The following LEF1 variants were observed in gnomAD, a reference collection of about 807,000 sequenced individuals.
LEF1 encodes lymphoid enhancer binding factor 1.
In LEF1, 14 loss-of-function variants were observed where a neutral mutation model predicts 51.2. The observed-to-expected ratio is 0.27, with a 90% CI of 0.18 to 0.43. The LOEUF is 0.43. Among genes scored for constraint, LEF1 ranks in the 20% least tolerant of loss-of-function variants. The pLI is 1.00. For synonymous variants in LEF1, 185 were observed against 183.2 expected (o/e 1.01, Z -0.08); for missense variants, 386 against 512.0 (o/e 0.75, Z 2.37).
intron 4 of LEF1, among the ~76,000 whole-genome samples, chr4:108,085,995 A>C (rs1739622098): frequency 6.6e-6 from 1 of 152,244 alleles, no homozygotes; most frequent in African/African-American, 2.4e-5. Flanking sequence ...TTGAACAAAC[A>C]AACAAGTGAA....
intron 3 of LEF1, among the ~76,000 whole-genome samples, chr4:108,129,056 T>A (rs919609358): frequency 2.6e-5 from 4 of 152,212 alleles, no homozygotes; most frequent in African/African-American, 7.2e-5. Flanking sequence ...CAGTTCCTCC[T>A]TTCCAACCAC....
chr4:108,135,719 C>A (rs940967838), intron 3 of LEF1, among the ~76,000 whole-genome samples: 3 of 152,096 alleles, frequency 2.0e-5, no homozygotes, highest in African/African-American at 7.2e-5. Flanking sequence ...GGCCTGCCAG[C>A]GGGGGAGTTG....
intron 4 of LEF1, 127 bp from the exon 5 acceptor site, chr4:108,083,573 AG>A: frequency 1.8e-6 from 1 of 570,476 alleles, no homozygotes; most frequent in Non-Finnish European, 3.0e-6. Context: ...ACCAGATCCA[AG>A]GAACAGGAGT....
intron 11 of LEF1, among the ~76,000 whole-genome samples, chr4:108,058,096 G>A (rs1015028172): frequency 2.0e-5 from 3 of 151,790 alleles, no homozygotes; most frequent in South Asian, 2.1e-4. Flanking sequence ...GGCTGGTCTC[G>A]AACTCCTGAC....
At chr4:108,079,410 G>A in intron 7 of LEF1, 82 bp downstream of exon 7, 1 of 1,475,880 alleles carries the variant, frequency 6.8e-7, no homozygotes, top group Non-Finnish European at 9.4e-7. Flanking sequence ...AAGGGGTGAA[G>A]GATCACTGTT....
At chr4:108,098,887 A>G (rs1197807651) in intron 3 of LEF1, among the ~76,000 whole-genome samples, 1 of 152,208 alleles carries the variant, frequency 6.6e-6, no homozygotes, top group Non-Finnish European at 1.5e-5. Flanking sequence ...GAAAACTCAA[A>G]TCATTTTCTA....
chr4:108,093,679 T>A (rs1397642730), intron 3 of LEF1, among the ~76,000 whole-genome samples: 3 of 152,010 alleles, frequency 2.0e-5, no homozygotes, highest in Non-Finnish European at 2.9e-5. Flanking sequence ...GGTTTCTGAT[T>A]CCAACTGCAC....
chr4:108,124,050 A>AT (rs1328487099), intron 3 of LEF1, among the ~76,000 whole-genome samples: 1 of 152,092 alleles, frequency 6.6e-6, no homozygotes, highest in African/African-American at 2.4e-5. Flanking sequence ...CCAGAGGCTG[A>AT]TGTGGGAGGA....
At chr4:108,076,079 C>A (rs967453825) in intron 8 of LEF1, among the ~76,000 whole-genome samples, 54 of 152,166 alleles carry the variant, frequency 3.5e-4, no homozygotes, top group Non-Finnish European at 1.3e-4. Context: ...GCTACTCCAT[C>A]TGCATGTGGG....
At chr4:108,049,205 A>T (rs1736818462) in intron 11 of LEF1, among the ~76,000 whole-genome samples, 1 of 152,146 alleles carries the variant, frequency 6.6e-6, no homozygotes, top group African/African-American at 2.4e-5. Flanking sequence ...TACCCAACGC[A>T]CTGCCAACTC....
intron 3 of LEF1, among the ~76,000 whole-genome samples, chr4:108,091,771 G>A (rs546522245): frequency 6.6e-6 from 1 of 152,282 alleles, no homozygotes; most frequent in African/African-American, 2.4e-5. Context: ...AATGCTAGAA[G>A]TGGGGGTGGG....
At chr4:108,056,991 T>C (rs753397486) in intron 11 of LEF1, among the ~76,000 whole-genome samples, 8 of 151,444 alleles carry the variant, frequency 5.3e-5, no homozygotes, top group Non-Finnish European at 8.8e-5. Context: ...GGTGCCGACC[T>C]GTGGCCAAGG....
chr4:108,085,144 A>C (rs1313482469), intron 4 of LEF1, among the ~76,000 whole-genome samples: 3 of 152,140 alleles, frequency 2.0e-5, no homozygotes, highest in Admixed American at 2.0e-4. Context: ...GCTGGAGTGC[A>C]GTGGCACAAT....
Position 108,126,761 on chromosome 4 carries a change from C to T in LEF1, c.414+36807G>A, listed in dbSNP as rs556322462. Among the ~76,000 whole-genome samples the T allele has an allele frequency of 1.7e-3, 245 of 142,908 alleles. 1 individual carries two copies. The highest frequency in any genetic ancestry group is 6.1e-3 in the African/African-American group (236 of 38,402). 93.8% of individuals were successfully genotyped at this position (142,908 alleles called of 152,430 possible). ...CAGAGTTTGCAGTCAGCCATGATCGCGCCAATATAGTCCAGTCTGGGTGAC... is the reference window on the plus strand; with the variant it reads ...CAGAGTTTGCAGTCAGCCATGATCGTGCCAATATAGTCCAGTCTGGGTGAC... On this transcript the variant is annotated intron_variant, in intron 3 of 11. Transcript: ENST00000265165.
chr4:108,128,401 A>T (rs1244995705), intron 3 of LEF1, among the ~76,000 whole-genome samples: 1 of 152,196 alleles, frequency 6.6e-6, no homozygotes, highest in Non-Finnish European at 1.5e-5. Flanking sequence ...AAAATTATTT[A>T]TCATTAAAAA....
intron 2 of LEF1, 55 bp from the exon 3 acceptor site, chr4:108,163,756 G>C (rs761484710): frequency 1.5e-4 from 238 of 1,558,160 alleles, no homozygotes; most frequent in Middle Eastern, 1.4e-3. Flanking sequence ...TTATATTACT[G>C]TATTTTTCAT....
At position 108,100,371 on chromosome 4, in the gene LEF1, T is replaced by C. The variant is rs1740742339; in HGVS notation, c.415-11114A>G. Reference sequence around the variant, plus strand: ...ATTAATAAATTATAAAAAGGAAATATTCTATAACCCATGGAAAACTGTAGT... The same window carrying C: ...ATTAATAAATTATAAAAAGGAAATACTCTATAACCCATGGAAAACTGTAGT... On this transcript the variant is annotated intron_variant, in intron 3 of 11. Coordinates refer to ENST00000265165, the MANE Select transcript of LEF1 (RefSeq NM_016269.5). Among the ~76,000 whole-genome samples the C allele has an allele frequency of 2.0e-5, 3 of 152,268 alleles. No individual in the cohort carries two copies. In the South Asian group the frequency reaches 6.2e-4, roughly 32 times the overall value.
At chr4:108,085,563 A>G (rs1739587160) in intron 4 of LEF1, among the ~76,000 whole-genome samples, 1 of 152,222 alleles carries the variant, frequency 6.6e-6, no homozygotes, top group South Asian at 2.1e-4. Flanking sequence ...CCATGTTCTA[A>G]GCATGCTTAG....
At chr4:108,145,660 G>A (rs1743953446) in intron 3 of LEF1, among the ~76,000 whole-genome samples, 1 of 152,204 alleles carries the variant, frequency 6.6e-6, no homozygotes, top group Non-Finnish European at 1.5e-5. Flanking sequence ...AAGAAATGAA[G>A]CTGTGATACT....
Sources: allele counts gnomAD v4.1 joint callset (sites outside exome capture counted in the v4.1 genomes callset), GRCh38; gene constraint gnomAD v4.1.1; transcripts MANE v1.5; gene names NCBI Gene and HGNC (gene_info 2026-07-23, HGNC 2026-07-21).